Variants in SBF2 observed in about 807,000 individuals in gnomAD.
The protein encoded by SBF2 is myotubularin-related protein 13.
A neutral mutation model predicts 225.2 loss-of-function variants in SBF2; 112 were observed. The observed-to-expected ratio is 0.50, with a 90% CI of 0.43 to 0.58. The LOEUF is 0.58. Ranked by LOEUF, SBF2 falls within the 20% of genes least tolerant of loss-of-function variation. SBF2 has a pLI of 0.00. For synonymous variants in SBF2, 763 were observed against 773.3 expected (o/e 0.99, Z 0.22); for missense variants, 1,996 against 2,206.2 (o/e 0.90, Z 1.91).
At chr11:10,168,307 T>C (rs1277038190) in intron 2 of SBF2, among the ~76,000 whole-genome samples, 1 of 152,212 alleles carries the variant, frequency 6.6e-6, no homozygotes, top group Non-Finnish European at 1.5e-5. Context: ...AGGCTATAAA[T>C]TTTAAAGTAA....
chr11:10,123,239 C>T (rs1325601146), intron 2 of SBF2, among the ~76,000 whole-genome samples: 1 of 152,064 alleles, frequency 6.6e-6, no homozygotes, highest in Non-Finnish European at 1.5e-5. Flanking sequence ...AAGAGTTCGA[C>T]AAACAGAAAC....
chr11:10,089,133 T>C (rs1951685587), intron 2 of SBF2, among the ~76,000 whole-genome samples: 1 of 152,212 alleles, frequency 6.6e-6, no homozygotes, highest in Admixed American at 6.5e-5. Flanking sequence ...GTCTGTACTT[T>C]TAATGCAACA....
At chr11:10,006,558 A>T (rs887656446) in intron 6 of SBF2, among the ~76,000 whole-genome samples, 6 of 152,096 alleles carry the variant, frequency 3.9e-5, no homozygotes, top group Non-Finnish European at 8.8e-5. Context: ...AGGAGGGGAA[A>T]TTCTTCCTTT....
intron 9 of SBF2, among the ~76,000 whole-genome samples, chr11:9,997,404 C>T (rs1462990875): frequency 6.6e-6 from 1 of 152,180 alleles, no homozygotes; most frequent in African/African-American, 2.4e-5. Flanking sequence ...AAAACCCAAG[C>T]CACAAGATTT....
chr11:10,107,897 C>CTGT (rs1590971374), intron 2 of SBF2, among the ~76,000 whole-genome samples: 2 of 152,142 alleles, frequency 1.3e-5, no homozygotes, highest in East Asian at 3.8e-4. Context: ...ACCATTCAAC[C>CTGT]CACTACAAAG....
At chr11:9,999,700 G>A (rs1278219002) in intron 8 of SBF2, among the ~76,000 whole-genome samples, 2 of 152,072 alleles carry the variant, frequency 1.3e-5, no homozygotes, top group Non-Finnish European at 2.9e-5. Context: ...TATTAATTAG[G>A]TTTTATTAAA....
chr11:9,847,989 A>G (rs1469620467), intron 22 of SBF2, among the ~76,000 whole-genome samples: 1 of 151,624 alleles, frequency 6.6e-6, no homozygotes, highest in Non-Finnish European at 1.5e-5. Flanking sequence ...GAAGTGTAGA[A>G]TCTGGATTTG....
At chr11:10,274,734 G>C (rs1962816357) in intron 1 of SBF2, among the ~76,000 whole-genome samples, 4 of 136,226 alleles carry the variant, frequency 2.9e-5, no homozygotes, top group Non-Finnish European at 6.2e-5. Flanking sequence ...CTGGGTGACA[G>C]AGCAAGACTC....
chr11:10,133,564 T>A (rs1482828467), intron 2 of SBF2, among the ~76,000 whole-genome samples: 2 of 135,908 alleles, frequency 1.5e-5, no homozygotes, highest in Non-Finnish European at 3.4e-5. Context: ...AGTCCCCCAT[T>A]GCCCAGGGCC....
intron 2 of SBF2, among the ~76,000 whole-genome samples, chr11:10,048,830 T>C (rs756361619): frequency 6.6e-6 from 1 of 152,202 alleles, no homozygotes; most frequent in Non-Finnish European, 1.5e-5. Flanking sequence ...CAGTGCATGA[T>C]ATTATAAAAT....
chr11:9,854,176 T>A (rs1013677995), intron 19 of SBF2, among the ~76,000 whole-genome samples: 1 of 152,178 alleles, frequency 6.6e-6, no homozygotes, highest in Non-Finnish European at 1.5e-5. Flanking sequence ...AGTAAGAGAA[T>A]TTTTCTCAGC....
chr11:10,071,263 CTCTTTTTTT>C (rs1208269271), intron 2 of SBF2, among the ~76,000 whole-genome samples: 1 of 124,932 alleles, frequency 8.0e-6, no homozygotes, highest in Non-Finnish European at 1.7e-5. Flanking sequence ...TTCTCTCTCT[CTCTTTTTTT>C]TTTTTTTTTT....
intron 17 of SBF2, among the ~76,000 whole-genome samples, chr11:9,865,803 G>C (rs1038418082): frequency 6.6e-6 from 1 of 151,688 alleles, no homozygotes; most frequent in Non-Finnish European, 1.5e-5. Flanking sequence ...AGCCAGAGAT[G>C]GGATTTGAAC....
intron 1 of SBF2, among the ~76,000 whole-genome samples, chr11:10,268,254 T>A (rs11042707): frequency 0.021 from 3,217 of 152,092 alleles, 86 homozygotes; most frequent in African/African-American, 0.063. Context: ...CTATACAGAT[T>A]TTTTTTTCCA....
intron 1 of SBF2, among the ~76,000 whole-genome samples, chr11:10,230,142 C>T (rs1248762307): frequency 1.3e-5 from 2 of 152,038 alleles, no homozygotes; most frequent in East Asian, 1.9e-4. Flanking sequence ...CAATCCCTGC[C>T]TTTTTTTGTT....
At chr11:10,124,402 G>A (rs1015589691) in intron 2 of SBF2, among the ~76,000 whole-genome samples, 6 of 152,106 alleles carry the variant, frequency 3.9e-5, no homozygotes, top group African/African-American at 1.2e-4. Flanking sequence ...AGAGAAAGCA[G>A]AAACCCAAAG....
intron 1 of SBF2, among the ~76,000 whole-genome samples, chr11:10,240,755 T>G (rs12420122): frequency 0.22 from 33,302 of 152,110 alleles, 4,252 homozygotes; most frequent in Non-Finnish European, 0.3. Flanking sequence ...AGATATATGG[T>G]GCATTTTTTT....
Position 9,988,236 on chromosome 11 carries a change from A to G in SBF2, c.1395+1261T>C, listed in dbSNP as rs187021588. 9.8e-5 allele frequency among the ~76,000 whole-genome samples: 15 copies of G among 152,326 alleles called. No homozygotes were observed. The East Asian group carries it at 2.9e-3, about 29-fold the overall frequency. ...TGTAGGAGAATGAAACTGGATCCTC[A>G]TCTCTCACCTTATACAAAAATCAAC... is the stretch of plus-strand genomic sequence containing the variant. On this transcript the variant is annotated intron_variant, in intron 13 of 39. Coordinates refer to ENST00000256190, the MANE Select transcript of SBF2 (RefSeq NM_030962.4).
chr11:10,047,318 AAT>A (rs1949901194), intron 2 of SBF2, among the ~76,000 whole-genome samples: 1 of 152,166 alleles, frequency 6.6e-6, no homozygotes, highest in African/African-American at 2.4e-5. Context: ...TAGCCAATAC[AAT>A]ATTGGAGAAA....
Sources: allele counts gnomAD v4.1 joint callset (sites outside exome capture counted in the v4.1 genomes callset), GRCh38; gene constraint gnomAD v4.1.1; transcripts MANE v1.5; gene names NCBI Gene and HGNC (gene_info 2026-07-23, HGNC 2026-07-21).